CTSD: variants seen among roughly 807,000 people sequenced by gnomAD.
CTSD encodes ceroid-lipofuscinosis, neuronal 10.
A neutral mutation model predicts 43.6 loss-of-function variants in CTSD; 28 were observed. The observed-to-expected ratio is 0.64, with a 90% CI of 0.48 to 0.88. The LOEUF (loss-of-function observed/expected upper bound fraction) is 0.88. CTSD is among the 40% of genes least tolerant of loss of function. The pLI, the probability that CTSD is intolerant of heterozygous loss-of-function variation, is 0.00. For missense variants in CTSD, 485 were observed against 555.2 expected (o/e 0.87, Z 1.27); for synonymous variants, 270 against 249.8 (o/e 1.08, Z -0.76).
Position 1,755,026 on chromosome 11 carries a change from T to C in CTSD, c.707A>G (p.Asp236Gly), listed in dbSNP as rs753833348. 6.2e-6 allele frequency: 10 copies of C among 1,613,426 alleles called. No individual in the cohort carries two copies. Among genetic ancestry groups the C allele is most frequent in the South Asian group, 1.1e-5 (1 of 91,078 alleles). Reference protein sequence around the residue: ...QNIFSFYLSRDPDAQPGGELM... With the variant: ...QNIFSFYLSRGPDAQPGGELM... Reference sequence around the variant, plus strand: ...CTCACCCCCAGGCTGCGCATCTGGGTCCCTAGGAGGAAAAGGGAGGAGTCA... The same window carrying C: ...CTCACCCCCAGGCTGCGCATCTGGGCCCCTAGGAGGAAAAGGGAGGAGTCA... Residue 236 changes from aspartate to glycine, a missense_variant and splice_region_variant, in exon 6 of 9, where the codon GAC (aspartate) becomes GGC (glycine). By Grantham distance (94) the Asp-to-Gly change is moderately conservative (BLOSUM62 -1). Coordinates refer to ENST00000236671, the MANE Select transcript of CTSD (RefSeq NM_001909.5).
intron 6 of CTSD, 106 bp from the exon 7 acceptor site, chr11:1,754,244 C>T: frequency 7.5e-7 from 1 of 1,337,210 alleles, no homozygotes; most frequent in Non-Finnish European, 1.0e-6. Flanking sequence ...CACTCTCCTC[C>T]CCTCAGGGCT....
intron 5 of CTSD, among the ~76,000 whole-genome samples, chr11:1,756,909 C>T (rs1163372247): frequency 1.3e-5 from 2 of 152,174 alleles, no homozygotes; most frequent in Admixed American, 6.5e-5. Context: ...TCCCCGGTCC[C>T]CTGGGCACCA....
chr11:1,758,744 G>A (rs1361394214), intron 4 of CTSD, among the ~76,000 whole-genome samples: 1 of 152,080 alleles, frequency 6.6e-6, no homozygotes, highest in Non-Finnish European at 1.5e-5. Flanking sequence ...GCCTGACTCC[G>A]GGGACCCCTG....
chr11:1,753,570 C>G lies in CTSD; in HGVS notation c.1172G>C (p.Gly391Ala). The change falls in exon 9 of 9, where the codon GGC becomes GCC. Residue 391 changes from glycine to alanine, a missense_variant. By Grantham distance (60) the Gly-to-Ala change is moderately conservative. Transcript: ENST00000236671. ...ACGGTCAAACACAGTGTAGTAGCGG[C>G]CGATGAAGACGTCGCCCAGGATCCA... ...PLWILGDVFI[G>A]RYYTVFDRDN... 6.2e-7 allele frequency: 1 copy of G among 1,613,064 alleles called. No homozygotes were observed. Among genetic ancestry groups the G allele is most frequent in the Non-Finnish European group, 8.5e-7 (1 of 1,179,928 alleles).
chr11:1,761,196 TGA>T, intron 2 of CTSD, 111 bp downstream of exon 2: 1 of 1,215,494 alleles, frequency 8.2e-7, no homozygotes, highest in Non-Finnish European at 1.2e-6. Flanking sequence ...CGTGGCCAGG[TGA>T]GCCACTCAAA....
At chr11:1,759,123 C>T (rs768212378) in intron 3 of CTSD, 36 bp from the exon 4 acceptor site, 17 of 1,462,460 alleles carry the variant, frequency 1.2e-5, no homozygotes, top group South Asian at 4.5e-5. Context: ...CCGGTCATCC[C>T]GCAGCCCACG....
intron 3 of CTSD, 42 bp downstream of exon 3, chr11:1,759,474 A>C: frequency 6.2e-7 from 1 of 1,611,338 alleles, no homozygotes. Flanking sequence ...GACATCCCGG[A>C]AGGGCAGGAC....
At position 1,753,458 on chromosome 11, in the gene CTSD, G is replaced by A; in HGVS notation, c.*45C>T. 1.2e-6 allele frequency: 2 copies of A among 1,610,378 alleles called. No individual in the cohort carries two copies. Among genetic ancestry groups the A allele is most frequent in the Non-Finnish European group, 1.7e-6 (2 of 1,177,766 alleles). ...CGCTGGGCCAGGGGCCTCCTGCTCTGGGACTCTCCTCTGTTTCTGTGCTGG... is the reference window on the plus strand; with the variant it reads ...CGCTGGGCCAGGGGCCTCCTGCTCTAGGACTCTCCTCTGTTTCTGTGCTGG... On this transcript the variant is annotated 3_prime_UTR_variant, in exon 9 of 9. Coordinates refer to ENST00000236671, the MANE Select transcript of CTSD (RefSeq NM_001909.5).
Position 1,758,981 on chromosome 11 carries a change from C to T in CTSD, c.459G>A (p.Gln153=), listed in dbSNP as rs2133663513. The part of the protein sequence containing the change: ...GSGSLSGYLS[Q]DTVSVPCQSA... ...CAGAGGGACTCACCGACACAGTGTC[C>T]TGGCTCAGGTACCCGGAGAGGCTGC... Residue 153 remains glutamine, a synonymous_variant, in exon 4 of 9, where the codon CAG becomes CAA. Transcript: ENST00000236671. 1 of 1,611,312 alleles carries T rather than the reference C, an allele frequency of 6.2e-7. No individual in the cohort carries two copies. The highest frequency in any genetic ancestry group is 2.2e-5 in the East Asian group (1 of 44,864).
At chr11:1,758,517 C>T (rs917674211) in intron 4 of CTSD, among the ~76,000 whole-genome samples, 3 of 152,224 alleles carry the variant, frequency 2.0e-5, no homozygotes, top group African/African-American at 7.2e-5. Flanking sequence ...CTCCCCCTCC[C>T]TTGCCCTCCC....
chr11:1,754,274 G>A lies in CTSD; in HGVS notation c.828-136C>T, dbSNP rs758724821. 11 of 1,033,250 alleles carry A rather than the reference G, an allele frequency of 1.1e-5. No homozygotes were observed. In the African/African-American group the frequency reaches 1.6e-4, roughly 15 times the overall value. 64.0% of individuals were successfully genotyped at this position (1,033,250 alleles called of 1,614,324 possible). Reference sequence around the variant, plus strand: ...AGGGCTCCTGGAAGCACAGCCGGCTGTAAGCCCTCCAGGGAAGAGGGTGGG... The same window carrying A: ...AGGGCTCCTGGAAGCACAGCCGGCTATAAGCCCTCCAGGGAAGAGGGTGGG... On this transcript the variant is annotated intron_variant, in intron 6 of 8. Coordinates refer to ENST00000236671, the MANE Select transcript of CTSD (RefSeq NM_001909.5).
rs943016868 is a variant in CTSD at position 1,757,528 on chromosome 11, G to A, written c.500C>T (p.Ser167Phe). ...CTCCACTTTGACACCGCCCAGGGCA[G>A]AGGCTGACGACGCTGACTGGCAGGG... ...SVPCQSASSA[S>F]ALGGVKVERQ... The change falls in exon 5 of 9, where the codon TCT (serine) becomes TTT (phenylalanine). Residue 167 changes from serine to phenylalanine, a missense_variant. Ser to Phe is a radical substitution (Grantham distance 155). Coordinates refer to ENST00000236671, the MANE Select transcript of CTSD (RefSeq NM_001909.5). The A allele has an allele frequency of 1.2e-6, 2 of 1,612,948 alleles. No homozygotes were observed. The highest frequency in any genetic ancestry group is 1.7e-5 in the Admixed American group (1 of 60,002).
rs1319603028 is a variant in CTSD at position 1,763,885 on chromosome 11, G to A, written c.-26C>T. The stretch of plus-strand genomic sequence containing the variant: ...GGCGGCGGCGGCCGGGTCGGAGAGG[G>A]TCGCCGAGGCCGTGCGCTTATAGCC... On this transcript the variant is annotated 5_prime_UTR_variant, in exon 1 of 9. Coordinates refer to ENST00000236671, the MANE Select transcript of CTSD (RefSeq NM_001909.5). 3.3e-6 allele frequency: 5 copies of A among 1,517,752 alleles called. No individual in the cohort carries two copies. Among genetic ancestry groups the A allele is most frequent in the African/African-American group, 1.4e-5 (1 of 70,084 alleles). 94.0% of individuals were successfully genotyped at this position (1,517,752 alleles called of 1,614,324 possible). A position where few individuals can be genotyped will look rare whatever the true frequency, so the allele number is the denominator to read the frequency against.
At position 1,753,243 on chromosome 11, in the gene CTSD, C is replaced by T. The variant is rs766071697; in HGVS notation, c.*260G>A. 72 of 550,498 alleles carry T rather than the reference C, an allele frequency of 1.3e-4. No homozygotes were observed. The highest frequency in any genetic ancestry group is 3.2e-4 in the South Asian group (16 of 50,144). 34.1% of individuals were successfully genotyped at this position (550,498 alleles called of 1,614,324 possible). A position where few individuals can be genotyped will look rare whatever the true frequency, so the allele number is the denominator to read the frequency against. The stretch of plus-strand genomic sequence containing the variant: ...AGCTTGGGTGGGGTCTTCCAATGCA[C>T]GAAACAGATCTGTGCTCTGGATCAG... On this transcript the variant is annotated 3_prime_UTR_variant, in exon 9 of 9. Transcript: ENST00000236671.
Position 1,753,585 on chromosome 11 carries a change from C to T in CTSD, c.1157G>A (p.Gly386Asp). The change falls in exon 9 of 9, where the codon GGC becomes GAC. Residue 386 changes from glycine to aspartate, a missense_variant. Transcript: ENST00000236671. ...GTAGTAGCGGCCGATGAAGACGTCG[C>T]CCAGGATCCAGAGTGGCCCGCTGGG... is the stretch of plus-strand genomic sequence containing the variant. ...PPPSGPLWIL[G>D]DVFIGRYYTV... The T allele has an allele frequency of 6.2e-7, 1 of 1,613,108 alleles. No homozygotes were observed. Among genetic ancestry groups the T allele is most frequent in the Non-Finnish European group, 8.5e-7 (1 of 1,179,928 alleles).
At chr11:1,754,449 G>T (rs1845775266) in intron 6 of CTSD, among the ~76,000 whole-genome samples, 1 of 133,556 alleles carries the variant, frequency 7.5e-6, no homozygotes, top group Non-Finnish European at 1.6e-5. Flanking sequence ...AGGGATGGAG[G>T]GATAGACAGA....
chr11:1,761,729 C>T (rs1341481831), intron 1 of CTSD: 1 of 549,530 alleles, frequency 1.8e-6, no homozygotes, highest in Non-Finnish European at 3.3e-6. Context: ...ACACACCCAA[C>T]CTGGGGGCCA....
chr11:1,761,196 T>G (rs1590908545), intron 2 of CTSD, 113 bp downstream of exon 2: 3 of 1,215,494 alleles, frequency 2.5e-6, no homozygotes, highest in Non-Finnish European at 3.6e-6. Flanking sequence ...CGTGGCCAGG[T>G]GAGCCACTCA....
At chr11:1,758,473 T>G (rs898850818) in intron 4 of CTSD, among the ~76,000 whole-genome samples, 35 of 152,192 alleles carry the variant, frequency 2.3e-4, no homozygotes, top group Admixed American at 3.9e-4. Flanking sequence ...CTGAGGATGG[T>G]GGATGCAGGC....
Sources: allele counts gnomAD v4.1 joint callset (sites outside exome capture counted in the v4.1 genomes callset), GRCh38; gene constraint gnomAD v4.1.1; transcripts MANE v1.5; gene names NCBI Gene and HGNC (gene_info 2026-07-23, HGNC 2026-07-21).